The following CATSPERD variants were observed in gnomAD, a reference collection of about 807,000 sequenced individuals.
CATSPERD encodes the protein cation channel sperm-associated auxiliary subunit delta.
CATSPERD carries 86 observed loss-of-function variants against 98.1 expected under a neutral mutation model. The observed-to-expected ratio is 0.88, with a 90% CI of 0.74 to 1.05. CATSPERD has a LOEUF of 1.05. CATSPERD is among the 50% of genes least tolerant of loss of function. The pLI is 0.00. For missense variants in CATSPERD, 995 were observed against 1,005.7 expected, an observed-to-expected ratio of 0.99 and a Z score of 0.14; for synonymous variants, 394 against 390.2, an observed-to-expected ratio of 1.01 and a Z score of -0.12.
intron 19 of CATSPERD, 53 bp downstream of exon 19, chr19:5,771,125 T>C: frequency 6.4e-7 from 1 of 1,572,234 alleles, no homozygotes; most frequent in Middle Eastern, 1.9e-4. Flanking sequence ...GGCCTCATGC[T>C]CCCTGGCCCT....
rs748582494 is a variant in CATSPERD at position 5,754,262 on chromosome 19, G to A, written c.1278+17G>A. 2.0e-5 allele frequency: 32 copies of A among 1,570,914 alleles called. No individual in the cohort carries two copies. The highest frequency in any genetic ancestry group is 1.2e-4 in the Admixed American group (7 of 59,850). ...ATTCCTCTGGTAAGTACATCTTAAT[G>A]TTTCTGCTATCTGGGATTCTCAGCC... On this transcript the variant is annotated intron_variant, in intron 13 of 21. Coordinates refer to ENST00000381624, the MANE Select transcript of CATSPERD (RefSeq NM_152784.4).
Position 5,754,239 on chromosome 19 carries a change from T to G in CATSPERD, c.1272T>G (p.Ile424Met). 6 of 1,609,926 alleles carry G rather than the reference T, an allele frequency of 3.7e-6. No individual in the cohort carries two copies. In the South Asian group the frequency reaches 5.5e-5, roughly 15 times the overall value. Residue 424 changes from isoleucine to methionine, a missense_variant, in exon 13 of 22, where the codon ATT becomes ATG. Around this residue, in one of 3 missense-constraint regions of CATSPERD, gnomAD observed 762 missense variants for 773.7 expected, o/e 0.98. Coordinates refer to ENST00000381624, the MANE Select transcript of CATSPERD (RefSeq NM_152784.4). ...SLIPQPGTSLIPLVMVSNPHS... is the reference protein window; with the variant it reads ...SLIPQPGTSLMPLVMVSNPHS... ...TACCCCAGCCAGGCACATCCCTGAT[T>G]CCTCTGGTAAGTACATCTTAATGTT...
intron 4 of CATSPERD, among the ~76,000 whole-genome samples, chr19:5,733,396 C>T (rs1568343844): frequency 6.8e-6 from 1 of 146,366 alleles, no homozygotes; most frequent in Admixed American, 7.0e-5. Flanking sequence ...TGCCTCCTTC[C>T]TTCCTTTCTT....
intron 3 of CATSPERD, 135 bp from the exon 4 acceptor site, chr19:5,729,737 G>A (rs1198795955): frequency 3.5e-6 from 2 of 568,498 alleles, no homozygotes; most frequent in South Asian, 5.3e-5. Flanking sequence ...TGCAAAATAA[G>A]TAAATTATAT....
intron 19 of CATSPERD, chr19:5,772,546 C>T (rs1264172067): frequency 2.1e-6 from 1 of 479,304 alleles, no homozygotes; most frequent in Non-Finnish European, 3.7e-6. Context: ...CTTTTCCTTC[C>T]ACCCTGTTAT....
intron 13 of CATSPERD, among the ~76,000 whole-genome samples, chr19:5,757,483 G>A (rs2056345973): frequency 1.3e-5 from 2 of 151,536 alleles, no homozygotes; most frequent in South Asian, 4.2e-4. Flanking sequence ...TTTTAGTAGA[G>A]ATGGGGTTTC....
chr19:5,770,291 G>T (rs940816511), intron 18 of CATSPERD, among the ~76,000 whole-genome samples: 1 of 151,254 alleles, frequency 6.6e-6, no homozygotes, highest in Admixed American at 6.6e-5. Context: ...TTAGCCGGGC[G>T]TGGTGGTGGG....
At chr19:5,762,060 T>TATATATA (rs1568367069) in intron 15 of CATSPERD, among the ~76,000 whole-genome samples, 2 of 12,088 alleles carry the variant, frequency 1.7e-4, no homozygotes, top group South Asian at 3.1e-3. Context: ...ATATATATAT[T>TATATATA]TTTTTTTTTT....
chr19:5,722,282 C>T (rs543150280), intron 1 of CATSPERD, among the ~76,000 whole-genome samples: 2 of 152,222 alleles, frequency 1.3e-5, no homozygotes, highest in African/African-American at 4.8e-5. Flanking sequence ...CCACCACGTG[C>T]AGCTAATTTT....
At chr19:5,756,960 A>T (rs2056335153) in intron 13 of CATSPERD, among the ~76,000 whole-genome samples, 1 of 140,822 alleles carries the variant, frequency 7.1e-6, no homozygotes, top group Non-Finnish European at 1.5e-5. Flanking sequence ...AATAAAAATA[A>T]ATAAATAGGC....
At chr19:5,734,139 T>C (rs1157857784) in intron 5 of CATSPERD, among the ~76,000 whole-genome samples, 169 bp downstream of exon 5, 1 of 152,172 alleles carries the variant, frequency 6.6e-6, no homozygotes, top group Non-Finnish European at 1.5e-5. Flanking sequence ...ATCCGTAGAC[T>C]GGGAACCTAG....
At chr19:5,776,432 C>G (rs2290779) in intron 21 of CATSPERD, 117 bp downstream of exon 21, 26,491 of 1,139,364 alleles carry the variant, frequency 0.023, 360 homozygotes, top group South Asian at 0.026. Flanking sequence ...ACAGCCCAGG[C>G]CGTCCCCAGG....
intron 6 of CATSPERD, 104 bp downstream of exon 6, chr19:5,737,309 C>T (rs1482072268): frequency 2.7e-6 from 2 of 737,952 alleles, no homozygotes; most frequent in East Asian, 5.9e-5. Context: ...ACCTGTAATC[C>T]CAGCACTTTG....
At chr19:5,776,107 C>T in intron 20 of CATSPERD, 54 bp from the exon 21 acceptor site, 1 of 1,579,110 alleles carries the variant, frequency 6.3e-7, no homozygotes, top group Non-Finnish European at 8.7e-7. Context: ...GAGGGAGGCT[C>T]AGGGCCCCCT....
At position 5,758,635 on chromosome 19, in the gene CATSPERD, C is replaced by T. The variant is rs566783279; in HGVS notation, c.1369-451C>T. Among the ~76,000 whole-genome samples, 1,034 of 149,454 alleles carry T rather than the reference C, an allele frequency of 6.9e-3. 9 individuals are homozygous for T. Among genetic ancestry groups the T allele is most frequent in the Non-Finnish European group, 0.011 (775 of 67,554 alleles). On this transcript the variant is annotated intron_variant, in intron 14 of 21. Transcript: ENST00000381624. The stretch of plus-strand genomic sequence containing the variant: ...GCGGGCACCTGTAGTCCCAGCTACT[C>T]GGGAGGCTGAGGCAGGAGAATGGCG...
At chr19:5,777,908 A>G (rs2056762815) in intron 21 of CATSPERD, among the ~76,000 whole-genome samples, 1 of 149,934 alleles carries the variant, frequency 6.7e-6, no homozygotes, top group Non-Finnish European at 1.5e-5. Context: ...CAAAACAAAA[A>G]CCCATAAAAG....
At chr19:5,757,593 G>T (rs922160103) in intron 13 of CATSPERD, among the ~76,000 whole-genome samples, 1 of 136,570 alleles carries the variant, frequency 7.3e-6, no homozygotes, top group Non-Finnish European at 1.5e-5. Context: ...CACCGCGCCT[G>T]GCCAAATTTT....
chr19:5,775,486 A>C (rs2056724681), intron 20 of CATSPERD, among the ~76,000 whole-genome samples: 1 of 151,030 alleles, frequency 6.6e-6, no homozygotes, highest in South Asian at 2.1e-4. Flanking sequence ...AAATACAAAA[A>C]AAAAAAAAAA....
intron 19 of CATSPERD, among the ~76,000 whole-genome samples, chr19:5,771,857 C>T (rs566218781): frequency 9.2e-5 from 14 of 152,280 alleles, no homozygotes; most frequent in African/African-American, 3.4e-4. Context: ...GCGTGAGCCA[C>T]CATACCTGGC....
Sources: gnomAD v4.1 joint callset for allele counts (sites outside exome capture counted in the v4.1 genomes callset) on GRCh38, gnomAD v4.1.1 for gene constraint, gnomAD v4.1.1 regional missense constraint, MANE v1.5 for transcripts, NCBI Gene and HGNC (gene_info 2026-07-23, HGNC 2026-07-21) for gene names.